The following KIDINS220 variants were observed in gnomAD, a reference collection of about 807,000 sequenced individuals.
KIDINS220 encodes the protein kinase D interacting substrate 220, also known as kinase D-interacting substrate of 220 kDa.
In KIDINS220, 63 loss-of-function variants were observed where a neutral mutation model predicts 157.6. The observed-to-expected ratio is 0.40, with a 90% CI of 0.33 to 0.49. The LOEUF (loss-of-function observed/expected upper bound fraction) is 0.49, where lower values mean the gene tolerates loss of function less well. Among genes scored for constraint, KIDINS220 ranks in the 20% least tolerant of loss-of-function variants. KIDINS220 has a pLI of 0.66. For synonymous variants in KIDINS220, 732 were observed against 783.6 expected, an observed-to-expected ratio of 0.93 and a Z score of 1.10; for missense variants, 1,772 against 2,171.2, an observed-to-expected ratio of 0.82 and a Z score of 3.65.
At chr2:8,748,708 T>C (rs1172897712) in intron 24 of KIDINS220, among the ~76,000 whole-genome samples, 1 of 152,182 alleles carries the variant, frequency 6.6e-6, no homozygotes, top group African/African-American at 2.4e-5. Flanking sequence ...CCACCCTTTT[T>C]ACTCCTGCCA....
chr2:8,834,270 C>G (rs1414682465), intron 1 of KIDINS220, among the ~76,000 whole-genome samples: 1 of 151,980 alleles, frequency 6.6e-6, no homozygotes, highest in Non-Finnish European at 1.5e-5. Context: ...CACTCAAAAT[C>G]CCAGATCCCT....
chr2:8,781,901 C>T (rs972951631), intron 17 of KIDINS220, among the ~76,000 whole-genome samples: 3 of 152,050 alleles, frequency 2.0e-5, no homozygotes, highest in South Asian at 2.1e-4. Context: ...GTGGGTGGAT[C>T]GCTTGAGCTC....
chr2:8,788,524 C>T (rs1672729562), intron 15 of KIDINS220, 123 bp downstream of exon 15: 2 of 891,964 alleles, frequency 2.2e-6, no homozygotes, highest in Non-Finnish European at 3.4e-6. Context: ...CCACCTTGGC[C>T]TCCCAAAGTG....
At chr2:8,826,609 AAAAAAT>A (rs1351732120) in intron 2 of KIDINS220, 5 of 153,592 alleles carry the variant, frequency 3.3e-5, no homozygotes, top group East Asian at 1.9e-4. Flanking sequence ...ACTCCATCTC[AAAAAAT>A]AAAAATAAAA....
At position 8,805,871 on chromosome 2, in the gene KIDINS220, A is replaced by AG. The variant is rs899752374; in HGVS notation, c.603+399dup. Among the ~76,000 whole-genome samples the AG allele has an allele frequency of 2.6e-4, 40 of 152,226 alleles. 1 individual carries two copies. The highest frequency in any genetic ancestry group is 1.2e-4 in the Non-Finnish European group (8 of 68,036). ...AGCAACAGGCCATACCATAGAGCCT[A>AG]GGAACGGAGTAGGCTATACCAGCCA... is the stretch of plus-strand genomic sequence containing the variant. On this transcript the variant is annotated intron_variant, in intron 7 of 29. Transcript: ENST00000256707.
chr2:8,725,261 G>C (rs1663207750), downstream of KIDINS220: 1 of 152,264 alleles, frequency 6.6e-6, no homozygotes, highest in Non-Finnish European at 1.5e-5. Context: ...CAAGTTGCAG[G>C]AACTATGATA....
chr2:8,794,517 A>G (rs951670091), intron 11 of KIDINS220, among the ~76,000 whole-genome samples: 5 of 152,004 alleles, frequency 3.3e-5, no homozygotes, highest in Non-Finnish European at 5.9e-5. Context: ...ATCACTCTAC[A>G]TTCTCCACCT....
intron 6 of KIDINS220, among the ~76,000 whole-genome samples, chr2:8,807,249 A>G (rs1675581243): frequency 6.6e-6 from 1 of 152,220 alleles, no homozygotes; most frequent in Non-Finnish European, 1.5e-5. Flanking sequence ...AACATGATTC[A>G]AAAGGCATCC....
At chr2:8,808,234 G>A (rs747897419) in intron 6 of KIDINS220, among the ~76,000 whole-genome samples, 11 of 152,046 alleles carry the variant, frequency 7.2e-5, no homozygotes, top group African/African-American at 1.7e-4. Context: ...CCTCTTTTGC[G>A]GATAATACTT....
intron 6 of KIDINS220, among the ~76,000 whole-genome samples, chr2:8,807,806 C>G (rs555109075): frequency 2.6e-5 from 4 of 152,208 alleles, no homozygotes; most frequent in East Asian, 3.9e-4. Flanking sequence ...CGCCTCAAAG[C>G]AGGCTTAGGA....
chr2:8,764,402 T>G (rs1463065237), intron 22 of KIDINS220, among the ~76,000 whole-genome samples: 1 of 152,024 alleles, frequency 6.6e-6, no homozygotes, highest in East Asian at 1.9e-4. Context: ...AAATAAAAAT[T>G]TTAAAAAACA....
intron 2 of KIDINS220, among the ~76,000 whole-genome samples, chr2:8,822,090 T>C (rs1678051364): frequency 6.6e-6 from 1 of 152,166 alleles, no homozygotes; most frequent in Non-Finnish European, 1.5e-5. Flanking sequence ...ACTACGCACC[T>C]ACTGAAATAC....
chr2:8,747,005 C>T, intron 26 of KIDINS220, 140 bp downstream of exon 26: 1 of 612,278 alleles, frequency 1.6e-6, no homozygotes, highest in East Asian at 2.7e-5. Context: ...TAATTATTAG[C>T]ATTCAGCTAC....
chr2:8,778,826 AAGG>A lies in KIDINS220; in HGVS notation c.2614+67_2614+69del, dbSNP rs1671315655. The A allele has an allele frequency of 2.5e-6, 4 of 1,600,990 alleles. No individual in the cohort carries two copies. In the African/African-American group the frequency reaches 5.4e-5, roughly 22 times the overall value. ...CAACAACAATATTTTTCAAGGTAAA[AAGG>A]AGAGTCGCCATAAAGAAACTACAAA... On this transcript the variant is annotated intron_variant, in intron 19 of 29. Transcript: ENST00000256707.
At chr2:8,747,269 G>A in intron 25 of KIDINS220, 68 bp from the exon 26 acceptor site, 1 of 1,299,336 alleles carries the variant, frequency 7.7e-7, no homozygotes, top group Non-Finnish European at 1.1e-6. Context: ...GAAGACAAAT[G>A]AACATGATGG....
chr2:8,809,823 T>C (rs1217572270), intron 6 of KIDINS220, among the ~76,000 whole-genome samples: 1 of 152,048 alleles, frequency 6.6e-6, no homozygotes, highest in Non-Finnish European at 1.5e-5. Context: ...CGTGTACTAT[T>C]AAACGTTAAT....
At chr2:8,813,005 G>T (rs1348263907) in intron 5 of KIDINS220, among the ~76,000 whole-genome samples, 1 of 152,106 alleles carries the variant, frequency 6.6e-6, no homozygotes, top group Admixed American at 6.5e-5. Flanking sequence ...ATGTTATATA[G>T]TTATAATTAA....
intron 10 of KIDINS220, among the ~76,000 whole-genome samples, 162 bp from the exon 11 acceptor site, chr2:8,797,031 T>A (rs1674051070): frequency 6.6e-6 from 1 of 152,248 alleles, no homozygotes; most frequent in African/African-American, 2.4e-5. Context: ...GCTTTTCCTT[T>A]ACACCCACTC....
chr2:8,786,421 T>C, intron 15 of KIDINS220, 64 bp from the exon 16 acceptor site: 4 of 1,268,180 alleles, frequency 3.2e-6, no homozygotes, highest in Non-Finnish European at 4.6e-6. Flanking sequence ...CTTCAATGTA[T>C]GTCATCTTTG....
Sources: allele counts gnomAD v4.1 joint callset (sites outside exome capture counted in the v4.1 genomes callset), GRCh38; gene constraint gnomAD v4.1.1; transcripts MANE v1.5; gene names NCBI Gene and HGNC (gene_info 2026-07-23, HGNC 2026-07-21).